Variants in GRIA2 observed in about 807,000 individuals in gnomAD.
GRIA2 encodes glutamate ionotropic receptor AMPA type subunit 2, also known as glutamate receptor 2.
Under a neutral mutation model 97.3 loss-of-function variants are expected in GRIA2, and 14 were observed. The ratio of observed to expected loss-of-function variants is 0.14; its 90% CI spans 0.10 to 0.23. The LOEUF (loss-of-function observed/expected upper bound fraction) is 0.23. Ranked by LOEUF, GRIA2 falls within the 10% of genes least tolerant of loss-of-function variation. The pLI is 1.00. For synonymous variants in GRIA2, 412 were observed against 387.8 expected (o/e 1.06, Z -0.73); for missense variants, 558 against 1,069.8 (o/e 0.52, Z 6.67).
At chr4:157,320,702 A>T (rs1186963529) in intron 5 of GRIA2, among the ~76,000 whole-genome samples, 1 of 152,122 alleles carries the variant, frequency 6.6e-6, no homozygotes, top group African/African-American at 2.4e-5. Context: ...ACAATAAGAT[A>T]AATATTTGTG....
At chr4:157,320,429 A>G (rs553052739) in intron 5 of GRIA2, among the ~76,000 whole-genome samples, 4 of 152,256 alleles carry the variant, frequency 2.6e-5, no homozygotes, top group African/African-American at 2.4e-5. Flanking sequence ...ATATATTAAA[A>G]TTGAATGTTT....
intron 6 of GRIA2, among the ~76,000 whole-genome samples, chr4:157,329,660 AAGAT>A (rs1261441998): frequency 7.2e-5 from 11 of 152,048 alleles, no homozygotes; most frequent in South Asian, 6.2e-4. Context: ...GTTTTGCATC[AAGAT>A]AGATAGTAAC....
At chr4:157,264,091 G>T (rs1179899649) in intron 2 of GRIA2, among the ~76,000 whole-genome samples, 1 of 152,064 alleles carries the variant, frequency 6.6e-6, no homozygotes, top group Non-Finnish European at 1.5e-5. Flanking sequence ...TTCTGCAGAT[G>T]TATCATGTGT....
chr4:157,259,963 A>G (rs1190286947), intron 2 of GRIA2, among the ~76,000 whole-genome samples: 3 of 152,076 alleles, frequency 2.0e-5, no homozygotes, highest in African/African-American at 7.2e-5. Context: ...TGTCAGTTCA[A>G]TCTCCAAATT....
intron 2 of GRIA2, among the ~76,000 whole-genome samples, chr4:157,291,694 G>C (rs781646806): frequency 2.6e-5 from 4 of 151,812 alleles, no homozygotes; most frequent in African/African-American, 9.7e-5. Flanking sequence ...ATTTTTATTA[G>C]AAGTACAGTA....
chr4:157,284,097 A>G (rs190696840), intron 2 of GRIA2, among the ~76,000 whole-genome samples: 2 of 151,966 alleles, frequency 1.3e-5, no homozygotes, highest in East Asian at 3.9e-4. Context: ...TTATTGTTTC[A>G]ACTATTTGTA....
chr4:157,298,263 T>C (rs1417598654), intron 2 of GRIA2, among the ~76,000 whole-genome samples: 1 of 152,102 alleles, frequency 6.6e-6, no homozygotes, highest in Non-Finnish European at 1.5e-5. Context: ...AACTTACCTG[T>C]TGTGCTTAAT....
At chr4:157,359,628 G>A (rs113620825) in intron 12 of GRIA2, among the ~76,000 whole-genome samples, 37 of 152,108 alleles carry the variant, frequency 2.4e-4, no homozygotes, top group African/African-American at 7.7e-4. Flanking sequence ...ATTTTGGATT[G>A]TGACTATTTC....
At chr4:157,233,200 C>T (rs1398062670) in intron 2 of GRIA2, among the ~76,000 whole-genome samples, 2 of 152,072 alleles carry the variant, frequency 1.3e-5, no homozygotes, top group Non-Finnish European at 2.9e-5. Context: ...CAAAATAAAT[C>T]ACATAAGTCA....
At chr4:157,231,546 G>T (rs1730019575) in intron 2 of GRIA2, among the ~76,000 whole-genome samples, 1 of 152,068 alleles carries the variant, frequency 6.6e-6, no homozygotes, top group South Asian at 2.1e-4. Context: ...TGGCAAAAAA[G>T]CCATCCTTGA....
Position 157,361,192 on chromosome 4 carries a change from T to A in GRIA2, c.2406+68T>A. 8.2e-7 allele frequency: 1 copy of A among 1,220,580 alleles called. No homozygotes were observed. Among genetic ancestry groups the A allele is most frequent in the Non-Finnish European group, 1.2e-6 (1 of 833,384 alleles). 75.6% of individuals were successfully genotyped at this position (1,220,580 alleles called of 1,614,324 possible). ...CAAAGTAAGCAGCAGCTATGCACAG[T>A]GTGGGCACTCCGTGCCACCAAGTTT... On this transcript the variant is annotated intron_variant, in intron 14 of 15. Transcript: ENST00000264426. This position sits in a 1 kb window ranked among gnomAD's most constrained non-coding sequence, Gnocchi z 5.2.
chr4:157,315,850 A>C (rs1031253542), intron 4 of GRIA2, among the ~76,000 whole-genome samples: 1 of 152,166 alleles, frequency 6.6e-6, no homozygotes, highest in Non-Finnish European at 1.5e-5. Flanking sequence ...ATCATTTTAT[A>C]AAACTTTGAC....
intron 2 of GRIA2, 131 bp downstream of exon 2, chr4:157,221,938 A>ACG: frequency 4.8e-6 from 4 of 825,340 alleles, no homozygotes; most frequent in South Asian, 1.6e-5. Flanking sequence ...GTGACTGCAC[A>ACG]CACGCGTGCG....
chr4:157,268,606 G>T (rs1731874237), intron 2 of GRIA2, among the ~76,000 whole-genome samples: 1 of 151,864 alleles, frequency 6.6e-6, no homozygotes. Flanking sequence ...AAACTGAGCT[G>T]CATACTTGTA....
At chr4:157,299,195 A>C (rs1177517277) in intron 2 of GRIA2, among the ~76,000 whole-genome samples, 3 of 152,126 alleles carry the variant, frequency 2.0e-5, no homozygotes, top group African/African-American at 4.8e-5. Flanking sequence ...GCTAGATCCA[A>C]AGAAGAGATG....
intron 2 of GRIA2, among the ~76,000 whole-genome samples, chr4:157,254,309 C>T (rs558078205): frequency 5.7e-4 from 87 of 152,004 alleles, no homozygotes; most frequent in Admixed American, 9.2e-4. Context: ...CAGAGGTAAT[C>T]TGTTAAAGGA....
intron 9 of GRIA2, 61 bp from the exon 10 acceptor site, chr4:157,335,610 A>G: frequency 2.0e-6 from 2 of 986,262 alleles, no homozygotes; most frequent in African/African-American, 1.6e-5. Flanking sequence ...GATTTGATTC[A>G]ATGAGAGTAC....
Position 157,221,722 on chromosome 4 carries a change from G to A in GRIA2, c.144G>A (p.Met48Ile), listed in dbSNP as rs866122046. The A allele has an allele frequency of 6.2e-7, 1 of 1,614,056 alleles. No individual in the cohort carries two copies. Among genetic ancestry groups the A allele is most frequent in the South Asian group, 1.1e-5 (1 of 91,078 alleles). ...AATACAGTGCATTTCGAGTAGGGATGGTTCAGTTTTCCACTTCGGAGTTCA... is the reference window on the plus strand; with the variant it reads ...AATACAGTGCATTTCGAGTAGGGATAGTTCAGTTTTCCACTTCGGAGTTCA... Reference protein sequence around the residue: ...DQEYSAFRVGMVQFSTSEFRL... With the variant: ...DQEYSAFRVGIVQFSTSEFRL... The change falls in exon 2 of 16, where the codon ATG becomes ATA. Residue 48 changes from methionine to isoleucine, a missense_variant. Met to Ile is a conservative substitution (Grantham distance 10, BLOSUM62 1). Coordinates refer to ENST00000264426, the MANE Select transcript of GRIA2 (RefSeq NM_001083619.3).
At chr4:157,232,251 C>T (rs1345310055) in intron 2 of GRIA2, among the ~76,000 whole-genome samples, 2 of 152,132 alleles carry the variant, frequency 1.3e-5, no homozygotes, top group African/African-American at 4.8e-5. Context: ...AAATAGCTCC[C>T]ACATTTCTAC....
Sources: gnomAD v4.1 joint callset for allele counts (sites outside exome capture counted in the v4.1 genomes callset) on GRCh38, gnomAD v4.1.1 for gene constraint, Gnocchi (gnomAD v3.1) non-coding constraint, MANE v1.5 for transcripts, NCBI Gene and HGNC (gene_info 2026-07-23, HGNC 2026-07-21) for gene names.